Variants in PPFIA2 observed in about 807,000 individuals in gnomAD.
PPFIA2 encodes PPFI scaffold protein A2.
Under a neutral mutation model 175.5 loss-of-function variants are expected in PPFIA2, and 46 were observed. That is an observed-to-expected ratio of 0.26 (90% CI 0.21 to 0.34). The LOEUF (loss-of-function observed/expected upper bound fraction) is 0.34, where lower values mean the gene tolerates loss of function less well. PPFIA2 is among the 10% of genes least tolerant of loss of function. The pLI, the probability that PPFIA2 is intolerant of heterozygous loss-of-function variation, is 1.00. For missense variants in PPFIA2, 1,179 were observed against 1,506.1 expected (o/e 0.78, Z 3.60); for synonymous variants, 568 against 511.4 (o/e 1.11, Z -1.49).
At position 81,266,895 on chromosome 12, in the gene PPFIA2, G is replaced by A. The variant is rs565736277; in HGVS notation, c.3555+57C>T. The A allele has an allele frequency of 3.3e-6, 4 of 1,229,728 alleles. No individual in the cohort carries two copies. In the African/African-American group the frequency reaches 4.5e-5, roughly 14 times the overall value. The allele number at this position is 1,229,728 out of a possible 1,614,324, so 76.2% of individuals were successfully genotyped here. ...AGCACTATTCCTTAAAAACAAAGAT[G>A]TTCTATCATTTTTCTTTTACTCTCT... On this transcript the variant is annotated intron_variant, in intron 30 of 32. Coordinates refer to ENST00000549396, the MANE Select transcript of PPFIA2 (RefSeq NM_003625.5).
At chr12:81,657,540 T>C (rs1278622261) in intron 4 of PPFIA2, among the ~76,000 whole-genome samples, 2 of 152,100 alleles carry the variant, frequency 1.3e-5, no homozygotes, top group African/African-American at 2.4e-5. Context: ...CTAACTGAGA[T>C]TGAACAGGCT....
intron 8 of PPFIA2, among the ~76,000 whole-genome samples, chr12:81,399,229 G>T (rs2142607449): frequency 7.1e-6 from 1 of 140,004 alleles, no homozygotes; most frequent in Non-Finnish European, 1.5e-5. Flanking sequence ...ATAAGATAAA[G>T]GTAACTGAAC....
intron 4 of PPFIA2, among the ~76,000 whole-genome samples, chr12:81,590,523 T>C (rs1179069700): frequency 6.6e-6 from 1 of 151,956 alleles, no homozygotes; most frequent in Non-Finnish European, 1.5e-5. Flanking sequence ...TGAAACAGGG[T>C]GATAGGGTTT....
At chr12:81,675,237 G>T (rs1036089107) in intron 4 of PPFIA2, among the ~76,000 whole-genome samples, 90 of 151,650 alleles carry the variant, frequency 5.9e-4, no homozygotes, top group East Asian at 1.8e-3. Flanking sequence ...TATATAGAGA[G>T]AGAGAGATAA....
At chr12:81,335,536 A>T (rs1316462235) in intron 21 of PPFIA2, among the ~76,000 whole-genome samples, 1 of 152,006 alleles carries the variant, frequency 6.6e-6, no homozygotes, top group Non-Finnish European at 1.5e-5. Flanking sequence ...TGAGGTCAGG[A>T]GTTAAGAGAC....
intron 4 of PPFIA2, among the ~76,000 whole-genome samples, chr12:81,481,698 C>A (rs1456280426): frequency 6.6e-6 from 1 of 152,132 alleles, no homozygotes; most frequent in Admixed American, 6.5e-5. Flanking sequence ...ATGCAGAAAA[C>A]TGAAACTGGA....
At chr12:81,734,389 G>C (rs182565145) in intron 3 of PPFIA2, among the ~76,000 whole-genome samples, 1 of 151,908 alleles carries the variant, frequency 6.6e-6, no homozygotes, top group East Asian at 1.9e-4. Context: ...AACCAGTTTA[G>C]ACTTGTATTT....
At chr12:81,601,998 C>A (rs2059842918) in intron 4 of PPFIA2, among the ~76,000 whole-genome samples, 1 of 151,760 alleles carries the variant, frequency 6.6e-6, no homozygotes, top group Non-Finnish European at 1.5e-5. Context: ...TTCTCCTGCA[C>A]ATAATTTTAT....
chr12:81,690,675 T>C (rs1292778359), intron 3 of PPFIA2, among the ~76,000 whole-genome samples: 2 of 152,124 alleles, frequency 1.3e-5, no homozygotes, highest in African/African-American at 2.4e-5. Context: ...TTCCTATTGC[T>C]TCTGTAATGA....
intron 7 of PPFIA2, among the ~76,000 whole-genome samples, chr12:81,411,753 G>A (rs112933155): frequency 0.01 from 1,529 of 152,094 alleles, 29 homozygotes; most frequent in African/African-American, 0.035. Flanking sequence ...ACAATGGGAG[G>A]AAAAGGCAGA....
intron 4 of PPFIA2, among the ~76,000 whole-genome samples, chr12:81,651,908 A>G (rs1456125373): frequency 6.6e-6 from 1 of 152,078 alleles, no homozygotes; most frequent in Non-Finnish European, 1.5e-5. Context: ...GATTAATTAC[A>G]AAGAGGAGTT....
chr12:81,443,235 T>C (rs188145566), intron 6 of PPFIA2, among the ~76,000 whole-genome samples: 89 of 152,136 alleles, frequency 5.9e-4, no homozygotes, highest in Non-Finnish European at 9.6e-4. Flanking sequence ...GTACTAGGAT[T>C]ATCTTAATTC....
intron 5 of PPFIA2, 57 bp from the exon 6 acceptor site, chr12:81,445,777 C>G: frequency 6.7e-7 from 1 of 1,484,080 alleles, no homozygotes; most frequent in East Asian, 2.4e-5. Flanking sequence ...TAAATACTTA[C>G]AAATGACTTC....
chr12:81,706,621 T>C (rs968581392), intron 3 of PPFIA2, among the ~76,000 whole-genome samples: 1 of 152,150 alleles, frequency 6.6e-6, no homozygotes, highest in East Asian at 1.9e-4. Flanking sequence ...CCCGGCCGTG[T>C]GAGGTGTCAG....
intron 24 of PPFIA2, among the ~76,000 whole-genome samples, chr12:81,285,667 CAT>C (rs1292190633): frequency 5.9e-5 from 9 of 152,178 alleles, no homozygotes; most frequent in East Asian, 3.9e-4. Context: ...GCATTATTCA[CAT>C]GTTTGTGGTA....
intron 4 of PPFIA2, among the ~76,000 whole-genome samples, chr12:81,665,925 A>G (rs1482479414): frequency 6.6e-6 from 1 of 152,116 alleles, no homozygotes; most frequent in Non-Finnish European, 1.5e-5. Flanking sequence ...CAAGAAAAAA[A>G]CAACCCCATC....
rs544439912 is a variant in PPFIA2 at position 81,398,260 on chromosome 12, T to G, written c.762+7527A>C. Among the ~76,000 whole-genome samples, 15 of 152,122 alleles carry G rather than the reference T, an allele frequency of 9.9e-5. No homozygotes were observed. The South Asian group carries it at 3.1e-3, about 32-fold the overall frequency. On this transcript the variant is annotated intron_variant, in intron 8 of 32. Coordinates refer to ENST00000549396, the MANE Select transcript of PPFIA2 (RefSeq NM_003625.5). Reference sequence around the variant, plus strand: ...GTAAAATTTGCTGGGGAAATATACTTGATTAAATGTTTGCTGAAGACATTA... The same window carrying G: ...GTAAAATTTGCTGGGGAAATATACTGGATTAAATGTTTGCTGAAGACATTA...
chr12:81,571,145 C>T (rs1434178938), intron 4 of PPFIA2, among the ~76,000 whole-genome samples: 1 of 151,898 alleles, frequency 6.6e-6, no homozygotes, highest in East Asian at 1.9e-4. Flanking sequence ...TTAGAGTATG[C>T]CTATGTGGAG....
At chr12:81,417,666 T>C (rs948745957) in intron 7 of PPFIA2, among the ~76,000 whole-genome samples, 2 of 151,830 alleles carry the variant, frequency 1.3e-5, no homozygotes, top group East Asian at 3.9e-4. Flanking sequence ...TCAGTTCTAA[T>C]GGTAATTATC....
Sources: gnomAD v4.1 joint callset for allele counts (sites outside exome capture counted in the v4.1 genomes callset) on GRCh38, gnomAD v4.1.1 for gene constraint, MANE v1.5 for transcripts, NCBI Gene and HGNC (gene_info 2026-07-23, HGNC 2026-07-21) for gene names.